The following DMD variants were observed in gnomAD, a reference collection of about 807,000 sequenced individuals.
The protein encoded by DMD is dystrophin, also known as mutant dystrophin.
A neutral mutation model predicts 330.1 loss-of-function variants in DMD; 63 were observed. That is an observed-to-expected ratio of 0.19 (90% CI 0.16 to 0.24). DMD has a LOEUF of 0.24. Among genes scored for constraint, DMD ranks in the 10% least tolerant of loss-of-function variants. The probability of loss-of-function intolerance (pLI) is 1.00; values close to 1 mark genes in which losing one functional copy is unlikely to be tolerated. For synonymous variants in DMD, 1,223 were observed against 959.8 expected (o/e 1.27, Z -5.07); for missense variants, 3,344 against 2,684.1 (o/e 1.25, Z -5.43).
At chrX:32,797,655 G>A (rs1044017195) in intron 7 of DMD, among the ~76,000 whole-genome samples, 3 of 111,432 alleles carry the variant, frequency 2.7e-5, no homozygotes, top group Admixed American at 9.5e-5. Flanking sequence ...GATATGACTA[G>A]GAAAACCATC....
chrX:33,288,959 A>T (rs1361441738), intron 1 of DMD, among the ~76,000 whole-genome samples: 2 of 111,745 alleles, frequency 1.8e-5, no homozygotes. Flanking sequence ...CTACCAACAA[A>T]ATTACATCCG....
intron 7 of DMD, among the ~76,000 whole-genome samples, chrX:32,785,950 C>T (rs2075315388): frequency 9.1e-6 from 1 of 110,284 alleles, no homozygotes; most frequent in Non-Finnish European, 1.9e-5. Context: ...CTAGTTTTTT[C>T]CCCACTTCTG....
At chrX:32,185,519 T>C (rs2096942562) in intron 44 of DMD, among the ~76,000 whole-genome samples, 1 of 111,674 alleles carries the variant, frequency 9.0e-6, no homozygotes, top group African/African-American at 3.2e-5. Flanking sequence ...TTAGAATCAT[T>C]ATCCATATAG....
At chrX:31,699,953 C>T (rs893362172) in intron 52 of DMD, among the ~76,000 whole-genome samples, 5 of 110,744 alleles carry the variant, frequency 4.5e-5, no homozygotes, top group South Asian at 3.9e-4. Context: ...TTTGGGAGGC[C>T]GAGGTGAACG....
rs1162172791 is a variant in DMD, at chrX:32,364,618, C to A, written c.5118G>T (p.Glu1706Asp). 1.7e-6 allele frequency: 2 copies of A among 1,210,508 alleles called. No homozygotes were observed. Among genetic ancestry groups the A allele is most frequent in the Admixed American group, 2.2e-5 (1 of 45,949 alleles). Residue 1706 changes from glutamate to aspartate, a missense_variant, in exon 36 of 79, where the codon GAG becomes GAT. Coordinates refer to ENST00000357033, the MANE Select transcript of DMD (RefSeq NM_004006.3). ...CTTCTTTTTGCTGGGGTTTCTTTTT[C>A]TCTGATTCATCCAAAAGTGTGTCAG... ...IQADTLLDES[E>D]KKKPQQKEDV...
intron 30 of DMD, among the ~76,000 whole-genome samples, chrX:32,393,515 G>A (rs1266834482): frequency 1.8e-5 from 2 of 111,809 alleles, no homozygotes; most frequent in Non-Finnish European, 3.8e-5. Context: ...GATAACTAAG[G>A]AAATTCATAG....
intron 7 of DMD, among the ~76,000 whole-genome samples, chrX:32,782,629 A>T (rs2074889131): frequency 9.0e-6 from 1 of 111,334 alleles, no homozygotes; most frequent in African/African-American, 3.3e-5. Context: ...GGTATGAATG[A>T]TTTAGTGATA....
chrX:32,580,011 CTTT>C (rs57730410), intron 13 of DMD, among the ~76,000 whole-genome samples: 7,181 of 91,078 alleles, frequency 0.079, 219 homozygotes, highest in African/African-American at 0.13. Flanking sequence ...TATTTAATGT[CTTT>C]TTTTTTTTTT....
chrX:32,000,677 T>C (rs1214471393), intron 44 of DMD, among the ~76,000 whole-genome samples: 1 of 111,879 alleles, frequency 8.9e-6, no homozygotes, highest in Non-Finnish European at 1.9e-5. Context: ...TCCTGCGTTA[T>C]AATGTATCAT....
At chrX:33,041,852 T>C in intron 1 of DMD, 1 of 601,401 alleles carries the variant, frequency 1.7e-6, no homozygotes. Flanking sequence ...CATATATATT[T>C]CTTTGTCTAA....
chrX:32,106,659 C>A (rs1046540176), intron 44 of DMD, among the ~76,000 whole-genome samples: 55 of 111,559 alleles, frequency 4.9e-4, no homozygotes, highest in Non-Finnish European at 8.5e-4. Flanking sequence ...CTCCCTTGAG[C>A]CAGGAAGTAC....
chrX:32,501,713 C>T (rs746234812), intron 19 of DMD, 42 bp downstream of exon 19: 1 of 1,025,832 alleles, frequency 9.7e-7, no homozygotes, highest in Non-Finnish European at 1.4e-6. Flanking sequence ...ATGTGTTTAT[C>T]AAATCCCTAA....
chrX:32,216,971 C>T lies in DMD; in HGVS notation c.6383G>A (p.Arg2128Lys). The change falls in exon 44 of 79, where the codon AGA (arginine) becomes AAA (lysine). Residue 2128 changes from arginine to lysine, a missense_variant. Arg to Lys is a conservative substitution (Grantham distance 26, BLOSUM62 2). Transcript: ENST00000357033. ...CCAATTCTCAGGAATTTGTGTCTTT[C>T]TGAGAAACTGTTCAGCTTCTGTTAG... Reference protein sequence around the residue: ...QWLTEAEQFLRKTQIPENWEH... With the variant: ...QWLTEAEQFLKKTQIPENWEH... 8.3e-7 allele frequency: 1 copy of T among 1,206,676 alleles called. No individual in the cohort carries two copies. Among genetic ancestry groups the T allele is most frequent in the South Asian group, 1.8e-5 (1 of 56,800 alleles).
rs1210556656 is a variant in DMD at position 32,694,148 on chromosome X, C to A, written c.960+3722G>T. 6.3e-5 allele frequency among the ~76,000 whole-genome samples: 7 copies of A among 111,466 alleles called. No individual in the cohort carries two copies. In the East Asian group the frequency reaches 2.0e-3, roughly 32 times the overall value. On this transcript the variant is annotated intron_variant, in intron 9 of 78. Transcript: ENST00000357033. The stretch of plus-strand genomic sequence containing the variant: ...GCCACATCTATCTTCTCCTTTTTCT[C>A]TCCCCTTTCTAGCCACCTTTTTCAG...
At chrX:31,135,744 A>G (rs1458077832) in intron 76 of DMD, among the ~76,000 whole-genome samples, 2 of 112,796 alleles carry the variant, frequency 1.8e-5, no homozygotes, top group Non-Finnish European at 3.7e-5. Flanking sequence ...ACTTTTCATA[A>G]TATACAATCT....
intron 1 of DMD, among the ~76,000 whole-genome samples, chrX:33,256,668 C>A (rs767534078): frequency 7.3e-5 from 8 of 109,793 alleles, no homozygotes; most frequent in Non-Finnish European, 1.3e-4. Context: ...CAGATATAAA[C>A]ATTTATTAAA....
At chrX:32,724,607 T>C (rs1253478755) in intron 7 of DMD, among the ~76,000 whole-genome samples, 3 of 111,576 alleles carry the variant, frequency 2.7e-5, no homozygotes, top group Admixed American at 9.6e-5. Flanking sequence ...AGTGATCCAA[T>C]TGTACAGTTG....
chrX:31,216,550 A>G (rs749728032), intron 64 of DMD, among the ~76,000 whole-genome samples: 16 of 112,481 alleles, frequency 1.4e-4, no homozygotes, highest in Non-Finnish European at 2.4e-4. Context: ...TAGAAAAAGT[A>G]GATTTTTGTA....
chrX:32,697,917 C>T lies in DMD; in HGVS notation c.913G>A (p.Ala305Thr). The change falls in exon 9 of 79, where the codon GCT becomes ACT. Residue 305 changes from alanine (A) to threonine (T), a missense_variant. By Grantham distance (58) the Ala-to-Thr change is moderately conservative. Transcript: ENST00000357033. ...RFKSYAYTQAAYVTTSDPTRS... is the reference protein window; with the variant it reads ...RFKSYAYTQATYVTTSDPTRS... ...GTAGGGTCAGAGGTGGTGACATAAG[C>T]AGCCTGTGTGTAGGCATAGCTCTTG... is the stretch of plus-strand genomic sequence containing the variant. The T allele has an allele frequency of 8.3e-7, 1 of 1,209,347 alleles. No homozygotes were observed. The highest frequency in any genetic ancestry group is 1.1e-6 in the Non-Finnish European group (1 of 894,498).
Sources: allele counts gnomAD v4.1 joint callset (sites outside exome capture counted in the v4.1 genomes callset), GRCh38; gene constraint gnomAD v4.1.1; transcripts MANE v1.5; gene names NCBI Gene and HGNC (gene_info 2026-07-23, HGNC 2026-07-21).